Variants in CYP2W1 observed in about 807,000 individuals in gnomAD.
CYP2W1 encodes cytochrome P450 2W1.
Under a neutral mutation model 44.9 loss-of-function variants are expected in CYP2W1, and 51 were observed. The ratio of observed to expected loss-of-function variants is 1.14; its 90% CI spans 0.91 to 1.43. The LOEUF is 1.43. Among genes scored for constraint, CYP2W1 ranks in the 40% most tolerant of loss-of-function variants. The probability of loss-of-function intolerance (pLI) is 0.00; values close to 1 mark genes in which losing one functional copy is unlikely to be tolerated. For missense variants in CYP2W1, 746 were observed against 700.0 expected (o/e 1.07, Z -0.74); for synonymous variants, 383 against 338.3 (o/e 1.13, Z -1.45).
chr7:984,288 C>T (rs1440370552), intron 1 of CYP2W1, 124 bp from the exon 2 acceptor site: 3 of 1,301,422 alleles, frequency 2.3e-6, no homozygotes, highest in East Asian at 2.6e-5. Flanking sequence ...CTAGGCGTGC[C>T]CCCTCCACCT....
intron 7 of CYP2W1, 88 bp downstream of exon 7, chr7:987,619 G>A: frequency 1.5e-6 from 2 of 1,291,242 alleles, no homozygotes; most frequent in Non-Finnish European, 2.1e-6. Flanking sequence ...TGAGCGTCTG[G>A]TGGGTGCCTG....
chr7:989,356 C>A lies in CYP2W1; in HGVS notation c.*534C>A, dbSNP rs1025580271. The A allele has an allele frequency of 6.3e-6, 1 of 158,130 alleles. No homozygotes were observed. The highest frequency in any genetic ancestry group is 2.4e-5 in the African/African-American group (1 of 41,554). The allele number at this position is 158,130 out of a possible 1,614,324, so 9.8% of individuals were successfully genotyped here. A position where few individuals can be genotyped will look rare whatever the true frequency, so the allele number is the denominator to read the frequency against. On this transcript the variant is annotated 3_prime_UTR_variant, in exon 9 of 9. Transcript: ENST00000308919. ...AGACTCTGAGCCAAGCCACTGGGGC[C>A]ATGCGTATGACTGGTGCAGGGAGGC...
intron 4 of CYP2W1, 63 bp from the exon 5 acceptor site, chr7:986,561 G>A (rs1465780393): frequency 1.9e-6 from 3 of 1,579,374 alleles, no homozygotes; most frequent in East Asian, 2.2e-5. Context: ...GACGATCACC[G>A]CCTGCCCAGC....
rs751618986 is a variant in CYP2W1, at chr7:983,385, G to C, written c.174G>C (p.Glu58Asp). 5.8e-5 allele frequency: 87 copies of C among 1,503,868 alleles called. No individual in the cohort carries two copies. Among genetic ancestry groups the C allele is most frequent in the Middle Eastern group, 2.3e-4 (1 of 4,278 alleles). 93.2% of individuals were successfully genotyped at this position (1,503,868 alleles called of 1,614,324 possible). A position where few individuals can be genotyped will look rare whatever the true frequency, so the allele number is the denominator to read the frequency against. ...RLSQQDRSLM[E>D]LSERYGPVFT... Reference sequence around the variant, plus strand: ...CGCAACAGGACCGGTCCCTGATGGAGGTAAGTCAGGGAGCCCGGGCAGCTC... The same window carrying C: ...CGCAACAGGACCGGTCCCTGATGGACGTAAGTCAGGGAGCCCGGGCAGCTC... The change falls in exon 1 of 9, where the codon GAG becomes GAC. Residue 58 changes from glutamate to aspartate, a missense_variant and splice_region_variant. Physicochemically the swap from Glu to Asp is conservative, Grantham distance 45. Transcript: ENST00000308919.
At chr7:983,421 G>A (rs1233990515) in intron 1 of CYP2W1, 36 bp downstream of exon 1, 4 of 1,431,216 alleles carry the variant, frequency 2.8e-6, no homozygotes, top group African/African-American at 2.9e-5. Flanking sequence ...TTGCCGCTTG[G>A]ACAGCTGCCG....
Position 989,556 on chromosome 7 carries a change from G to C in CYP2W1, c.*734G>C, listed in dbSNP as rs564170001. On this transcript the variant is annotated 3_prime_UTR_variant, in exon 9 of 9. Transcript: ENST00000308919. ...AGCACTTTGGGAGGCCGAGGCAGGC[G>C]AATCACGAGGTCAGGAGTTCGAGAC... 6.5e-6 allele frequency: 1 copy of C among 153,176 alleles called. No homozygotes were observed. Among genetic ancestry groups the C allele is most frequent in the East Asian group, 1.9e-4 (1 of 5,186 alleles). 9.5% of individuals were successfully genotyped at this position (153,176 alleles called of 1,614,324 possible). A position where few individuals can be genotyped will look rare whatever the true frequency, so the allele number is the denominator to read the frequency against.
chr7:986,588 G>A (rs1299687904), intron 4 of CYP2W1, 36 bp from the exon 5 acceptor site: 2 of 1,609,470 alleles, frequency 1.2e-6, no homozygotes, highest in East Asian at 4.5e-5. Flanking sequence ...CCCTGGGGCT[G>A]CGTCCTTATC....
chr7:987,781 G>T (rs1848482522), intron 7 of CYP2W1, among the ~76,000 whole-genome samples: 1 of 152,116 alleles, frequency 6.6e-6, no homozygotes, highest in Non-Finnish European at 1.5e-5. Flanking sequence ...TGTGTCCTGT[G>T]GGCATCCCTG....
At position 988,678 on chromosome 7, in the gene CYP2W1, C is replaced by A. The variant is rs777686021; in HGVS notation, c.1329C>A (p.Leu443=). Residue 443 remains leucine, a synonymous_variant, in exon 9 of 9, where the codon CTC becomes CTA. Coordinates refer to ENST00000308919, the MANE Select transcript of CYP2W1 (RefSeq NM_017781.3). ...GGGAGCGCCTGGCCAGGACCGAGCT[C>A]TTCCTGCTGTTTGCCGGCCTCCTGC... ...CVGERLARTE[L]FLLFAGLLQR... 2 of 1,600,652 alleles carry A rather than the reference C, an allele frequency of 1.2e-6. No homozygotes were observed. The highest frequency in any genetic ancestry group is 3.3e-5 in the Admixed American group (2 of 59,986).
At position 988,411 on chromosome 7, in the gene CYP2W1, C is replaced by T; in HGVS notation, c.1278C>T (p.Phe426=). 1 of 1,612,606 alleles carries T rather than the reference C, an allele frequency of 6.2e-7. No homozygotes were observed. The highest frequency in any genetic ancestry group is 8.5e-7 in the Non-Finnish European group (1 of 1,179,840). ...TGAAGCGGGAGGCCTTCCTGCCTTT[C>T]TCTGCAGGTCAGCAGCCCTCGGGGC... ...HFVKREAFLP[F]SAGRRVCVGE... The change falls in exon 8 of 9, where the codon TTC becomes TTT. Residue 426 remains phenylalanine (F), a synonymous_variant. Coordinates refer to ENST00000308919, the MANE Select transcript of CYP2W1 (RefSeq NM_017781.3).
At position 987,343 on chromosome 7, in the gene CYP2W1, C is replaced by T; in HGVS notation, c.959-4C>T. The T allele has an allele frequency of 6.4e-7, 1 of 1,572,614 alleles. No homozygotes were observed. Among genetic ancestry groups the T allele is most frequent in the South Asian group, 1.1e-5 (1 of 88,216 alleles). On this transcript the variant is annotated splice_polypyrimidine_tract_variant and splice_region_variant and intron_variant, in intron 6 of 8. Coordinates refer to ENST00000308919, the MANE Select transcript of CYP2W1 (RefSeq NM_017781.3). ...CCACCCAAGCGGCCCACCCTTTGCCCCAGGCCGGGTGCAGGAGGAGCTAGA... is the reference window on the plus strand; with the variant it reads ...CCACCCAAGCGGCCCACCCTTTGCCTCAGGCCGGGTGCAGGAGGAGCTAGA...
Position 983,291 on chromosome 7 carries a change from C to G in CYP2W1, c.80C>G (p.Pro27Arg). Residue 27 changes from proline to arginine, a missense_variant, in exon 1 of 9, where the codon CCA becomes CGA. Physicochemically the swap from Pro to Arg is moderately radical, Grantham distance 103. Coordinates refer to ENST00000308919, the MANE Select transcript of CYP2W1 (RefSeq NM_017781.3). ...LLCACAQDPS[P>R]AARWPPGPRP... ...TGCGCCTGCGCCCAAGACCCCTCCC[C>G]AGCTGCCCGGTGGCCCCCGGGGCCT... The G allele has an allele frequency of 6.5e-6, 10 of 1,543,702 alleles. No individual in the cohort carries two copies. The highest frequency in any genetic ancestry group is 8.7e-6 in the Non-Finnish European group (10 of 1,145,518).
In CYP2W1 at chr7:988,314, T is replaced by G; in HGVS notation, c.1181T>G (p.Leu394Arg). 1 of 1,609,122 alleles carries G rather than the reference T, an allele frequency of 6.2e-7. No individual in the cohort carries two copies. The highest frequency in any genetic ancestry group is 8.5e-7 in the Non-Finnish European group (1 of 1,177,208). ...PVIPLLTSVL[L>R]DETQWQTPGQ... Reference sequence around the variant, plus strand: ...ATTCCCCTGCTGACCTCGGTGCTCCTGGATGAGACACAGTGGCAGACCCCA... The same window carrying G: ...ATTCCCCTGCTGACCTCGGTGCTCCGGGATGAGACACAGTGGCAGACCCCA... Residue 394 changes from leucine (L) to arginine (R), a missense_variant, in exon 8 of 9, where the codon CTG (leucine) becomes CGG (arginine). By Grantham distance (102) the Leu-to-Arg change is moderately radical. Transcript: ENST00000308919.
intron 1 of CYP2W1, among the ~76,000 whole-genome samples, chr7:984,008 C>T (rs952345881): frequency 7.2e-5 from 11 of 152,126 alleles, no homozygotes; most frequent in African/African-American, 2.7e-4. Flanking sequence ...TGCTGCTGGC[C>T]GGGCTGTAGC....
rs539780943 is a variant in CYP2W1, at chr7:984,637, G to C, written c.337+63G>C. 2.3e-5 allele frequency: 35 copies of C among 1,507,810 alleles called. No homozygotes were observed. The African/African-American group carries it at 4.6e-4, about 20-fold the overall frequency. The allele number at this position is 1,507,810 out of a possible 1,614,324, so 93.4% of individuals were successfully genotyped here. A position where few individuals can be genotyped will look rare whatever the true frequency, so the allele number is the denominator to read the frequency against. ...TGGGGGCACCTGGACCCCAGGAGGG[G>C]TGGGGGCTCCAGCAGCGGGAGAGGC... On this transcript the variant is annotated intron_variant, in intron 2 of 8. Transcript: ENST00000308919.
intron 8 of CYP2W1, 27 bp from the exon 9 acceptor site, chr7:988,608 C>A (rs546024146): frequency 1.9e-6 from 3 of 1,603,606 alleles, no homozygotes; most frequent in Admixed American, 3.3e-5. Flanking sequence ...TGGTGCAGCC[C>A]ACTCTGTGCC....
intron 4 of CYP2W1, 190 bp from the exon 5 acceptor site, chr7:986,434 G>A (rs1848349227): frequency 7.7e-6 from 5 of 647,674 alleles, no homozygotes; most frequent in South Asian, 2.0e-5. Context: ...TCCGGGACAC[G>A]GACAGGGGGT....
chr7:984,534 G>C lies in CYP2W1; in HGVS notation c.297G>C (p.Arg99=), dbSNP rs1425811033. The change falls in exon 2 of 9, where the codon CGG becomes CGC. Residue 99 remains arginine, a synonymous_variant. Coordinates refer to ENST00000308919, the MANE Select transcript of CYP2W1 (RefSeq NM_017781.3). ...LAGPGQELAD[R]PPIAIFQLIQ... The stretch of plus-strand genomic sequence containing the variant: ...GCCCCGGGCAGGAGCTGGCCGACCG[G>C]CCTCCCATCGCCATCTTCCAGCTCA... 1.9e-6 allele frequency: 3 copies of C among 1,555,242 alleles called. No individual in the cohort carries two copies.
chr7:988,876 C>A lies in CYP2W1; in HGVS notation c.*54C>A. 8.9e-7 allele frequency: 1 copy of A among 1,122,668 alleles called. No individual in the cohort carries two copies. 69.5% of individuals were successfully genotyped at this position (1,122,668 alleles called of 1,614,324 possible). On this transcript the variant is annotated 3_prime_UTR_variant, in exon 9 of 9. Coordinates refer to ENST00000308919, the MANE Select transcript of CYP2W1 (RefSeq NM_017781.3). ...ACCACTCCCCTCCCAGCCCTGGGTCCTCCCACCCTCTCTCCTCCCACCCCA... is the reference window on the plus strand; with the variant it reads ...ACCACTCCCCTCCCAGCCCTGGGTCATCCCACCCTCTCTCCTCCCACCCCA...
Sources: allele counts gnomAD v4.1 joint callset (sites outside exome capture counted in the v4.1 genomes callset), GRCh38; gene constraint gnomAD v4.1.1; transcripts MANE v1.5; gene names NCBI Gene and HGNC (gene_info 2026-07-23, HGNC 2026-07-21).